The following RPS6KC1 variants were observed in gnomAD, a reference collection of about 807,000 sequenced individuals.
RPS6KC1 encodes ribosomal protein S6 kinase C1, also known as inactive ribosomal protein S6 kinase delta-1.
A neutral mutation model predicts 103.8 loss-of-function variants in RPS6KC1; 54 were observed. The ratio of observed to expected loss-of-function variants is 0.52; its 90% CI spans 0.42 to 0.65. The LOEUF (loss-of-function observed/expected upper bound fraction) is 0.65. RPS6KC1 is among the 30% of genes least tolerant of loss of function. The pLI, the probability that RPS6KC1 is intolerant of heterozygous loss-of-function variation, is 0.00. For missense variants in RPS6KC1, 1,151 were observed against 1,253.8 expected (o/e 0.92, Z 1.24); for synonymous variants, 439 against 438.7 (o/e 1.00, Z -0.01).
the RPS6KC1 span, among the ~76,000 whole-genome samples, chr1:213,595,020 G>A: frequency 6.6e-6 from 1 of 152,142 alleles, no homozygotes; most frequent in Non-Finnish European, 1.5e-5. Flanking sequence ...AGGAGGAAGA[G>A]TGCCGTTCCA....
the RPS6KC1 span, among the ~76,000 whole-genome samples, chr1:213,294,045 A>G: frequency 6.6e-6 from 1 of 152,206 alleles, no homozygotes; most frequent in African/African-American, 2.4e-5. Context: ...GTGTGGAAGG[A>G]AAGCAACCCG....
At chr1:213,547,914 A>G in the RPS6KC1 span, among the ~76,000 whole-genome samples, 1 of 152,222 alleles carries the variant, frequency 6.6e-6, no homozygotes, top group Non-Finnish European at 1.5e-5. Flanking sequence ...ATTCCTTTAT[A>G]GCAACACAGA....
the RPS6KC1 span, among the ~76,000 whole-genome samples, chr1:213,519,648 A>G: frequency 2.0e-5 from 3 of 152,168 alleles, no homozygotes; most frequent in Admixed American, 1.3e-4. Flanking sequence ...CCCTCCCCAC[A>G]GCCAGATCCT....
At chr1:213,562,954 A>G in the RPS6KC1 span, among the ~76,000 whole-genome samples, 1 of 152,128 alleles carries the variant, frequency 6.6e-6, no homozygotes, top group South Asian at 2.1e-4. Flanking sequence ...GTGAGCCACC[A>G]TGCCTTGCCC....
At chr1:213,510,243 A>C in the RPS6KC1 span, among the ~76,000 whole-genome samples, 2 of 152,170 alleles carry the variant, frequency 1.3e-5, no homozygotes, top group African/African-American at 2.4e-5. Context: ...GTTTTCCTCC[A>C]TTATGTACTT....
At chr1:213,057,576 T>A (rs567712394) in intron 1 of RPS6KC1, among the ~76,000 whole-genome samples, 1 of 152,076 alleles carries the variant, frequency 6.6e-6, no homozygotes, top group East Asian at 1.9e-4. Flanking sequence ...TAGAATCATA[T>A]AGTATTTAGC....
chr1:213,548,351 G>A, the RPS6KC1 span, among the ~76,000 whole-genome samples: 1 of 152,198 alleles, frequency 6.6e-6, no homozygotes, highest in East Asian at 1.9e-4. Flanking sequence ...AGTGATACAT[G>A]TGTGTGTGGT....
At chr1:213,799,611 C>G in the RPS6KC1 span, among the ~76,000 whole-genome samples, 1 of 152,214 alleles carries the variant, frequency 6.6e-6, no homozygotes, top group African/African-American at 2.4e-5. Context: ...GTTCTGGAAG[C>G]GGGAATCCGC....
At chr1:213,086,591 T>A (rs1173845667) in intron 3 of RPS6KC1, among the ~76,000 whole-genome samples, 1 of 152,196 alleles carries the variant, frequency 6.6e-6, no homozygotes. Flanking sequence ...TCTGGGTAAA[T>A]AGTTAATAAT....
the RPS6KC1 span, among the ~76,000 whole-genome samples, chr1:213,744,270 C>A: frequency 6.6e-6 from 1 of 151,968 alleles, no homozygotes; most frequent in African/African-American, 2.4e-5. Flanking sequence ...AAACAAAAAC[C>A]ACCTGTTCCC....
At chr1:213,776,746 C>T in the RPS6KC1 span, among the ~76,000 whole-genome samples, 1 of 152,220 alleles carries the variant, frequency 6.6e-6, no homozygotes, top group Non-Finnish European at 1.5e-5. Flanking sequence ...GACTTCTCCT[C>T]TCTAGCTATG....
chr1:213,281,020 C>G, the RPS6KC1 span, among the ~76,000 whole-genome samples: 30 of 152,050 alleles, frequency 2.0e-4, no homozygotes, highest in African/African-American at 7.0e-4. Context: ...ATATCCTTCC[C>G]CTCCCCTCCC....
intron 1 of RPS6KC1, among the ~76,000 whole-genome samples, chr1:213,058,706 T>C (rs2077561560): frequency 6.6e-6 from 1 of 152,238 alleles, no homozygotes; most frequent in Admixed American, 6.5e-5. Context: ...TCTCCAATTT[T>C]ATTCTTTTTC....
chr1:213,798,801 A>ACTC, the RPS6KC1 span, among the ~76,000 whole-genome samples: 59 of 152,136 alleles, frequency 3.9e-4, no homozygotes, highest in Admixed American at 3.7e-3. Context: ...AATGTTTTAG[A>ACTC]CTCCTATAGA....
chr1:213,418,099 G>A, the RPS6KC1 span, among the ~76,000 whole-genome samples: 3 of 152,188 alleles, frequency 2.0e-5, no homozygotes, highest in East Asian at 1.9e-4. Flanking sequence ...GAGCACGAGG[G>A]TGATGCTGAG....
the RPS6KC1 span, among the ~76,000 whole-genome samples, chr1:213,414,826 G>C: frequency 6.6e-6 from 1 of 151,948 alleles, no homozygotes; most frequent in East Asian, 1.9e-4. Flanking sequence ...GCAGGGTGGG[G>C]GCAGAGGTGG....
the RPS6KC1 span, among the ~76,000 whole-genome samples, chr1:213,379,101 G>C: frequency 6.6e-6 from 1 of 152,148 alleles, no homozygotes; most frequent in Non-Finnish European, 1.5e-5. Flanking sequence ...TGACCTTTCT[G>C]AGCCCTGCTT....
chr1:213,177,577 T>C (rs1398949411), intron 8 of RPS6KC1, among the ~76,000 whole-genome samples: 1 of 152,234 alleles, frequency 6.6e-6, no homozygotes, highest in Non-Finnish European at 1.5e-5. Flanking sequence ...TTTTCTCAAA[T>C]TCATATTACT....
At chr1:213,561,942 A>G in the RPS6KC1 span, among the ~76,000 whole-genome samples, 84 of 152,316 alleles carry the variant, frequency 5.5e-4, no homozygotes, top group African/African-American at 1.9e-3. Context: ...GCACAAGCCC[A>G]GTAGGGTCAA....
Sources: allele counts gnomAD v4.1 joint callset (sites outside exome capture counted in the v4.1 genomes callset), GRCh38; gene constraint gnomAD v4.1.1; transcripts MANE v1.5; gene names NCBI Gene and HGNC (gene_info 2026-07-23, HGNC 2026-07-21).